CBLB: variants seen among roughly 807,000 people sequenced by gnomAD.
CBLB encodes E3 ubiquitin-protein ligase CBL-B.
Under a neutral mutation model 104.9 loss-of-function variants are expected in CBLB, and 31 were observed. The ratio of observed to expected loss-of-function variants is 0.30; its 90% CI spans 0.22 to 0.40. The LOEUF (loss-of-function observed/expected upper bound fraction) is 0.40, where lower values mean the gene tolerates loss of function less well. Ranked by LOEUF, CBLB falls within the 10% of genes least tolerant of loss-of-function variation. CBLB has a pLI of 1.00. For missense variants in CBLB, 1,062 were observed against 1,214.6 expected, an observed-to-expected ratio of 0.87 and a Z score of 1.87; for synonymous variants, 440 against 422.6, an observed-to-expected ratio of 1.04 and a Z score of -0.51.
intron 3 of CBLB, among the ~76,000 whole-genome samples, chr3:105,798,337 T>A (rs904532054): frequency 1.3e-5 from 2 of 152,156 alleles, no homozygotes; most frequent in Non-Finnish European, 2.9e-5. Context: ...ATATTATCAG[T>A]AGATTAATTA....
At chr3:105,691,205 C>A (rs2067649755) in intron 13 of CBLB, among the ~76,000 whole-genome samples, 1 of 152,206 alleles carries the variant, frequency 6.6e-6, no homozygotes, top group Non-Finnish European at 1.5e-5. Context: ...GGAGAGATAA[C>A]TGTGCCATTA....
chr3:105,865,685 T>C (rs899542093), intron 2 of CBLB, among the ~76,000 whole-genome samples: 2 of 152,224 alleles, frequency 1.3e-5, no homozygotes, highest in African/African-American at 4.8e-5. Context: ...AATGATTTTA[T>C]AGTAACTATA....
chr3:105,754,529 G>GAGAGAGAGAC (rs1560096935), intron 4 of CBLB, among the ~76,000 whole-genome samples: 1,305 of 84,190 alleles, frequency 0.016, 16 homozygotes, highest in Middle Eastern at 0.022. Flanking sequence ...GAGACAGAGA[G>GAGAGAGAGAC]AGAGAGAGAG....
In CBLB at chr3:105,856,365, A is replaced by G. The variant is rs906347137; in HGVS notation, c.169-2701T>C. 1.2e-3 allele frequency among the ~76,000 whole-genome samples: 182 copies of G among 151,520 alleles called. 1 individual carries two copies. The highest frequency in any genetic ancestry group is 4.2e-3 in the African/African-American group (174 of 41,304). Reference sequence around the variant, plus strand: ...CTCCATCTCAAAAAAAAAAAAAAAAAAAAGAAAAGGAAAAAAAAAAGAAAT... The same window carrying G: ...CTCCATCTCAAAAAAAAAAAAAAAAGAAAGAAAAGGAAAAAAAAAAGAAAT... On this transcript the variant is annotated intron_variant, in intron 2 of 18. Coordinates refer to ENST00000394030, the MANE Select transcript of CBLB (RefSeq NM_170662.5).
intron 10 of CBLB, among the ~76,000 whole-genome samples, chr3:105,718,185 G>A (rs1333568315): frequency 6.6e-6 from 1 of 151,534 alleles, no homozygotes; most frequent in Non-Finnish European, 1.5e-5. Flanking sequence ...CCATTTCTTA[G>A]GTCAAAAAAA....
chr3:105,859,219 A>T (rs1025027466), intron 2 of CBLB, among the ~76,000 whole-genome samples: 30 of 152,326 alleles, frequency 2.0e-4, no homozygotes, highest in Admixed American at 2.0e-4. Flanking sequence ...ACCAAATAAA[A>T]TGAAAATTTC....
intron 18 of CBLB, among the ~76,000 whole-genome samples, chr3:105,662,416 A>G (rs2063876223): frequency 6.6e-6 from 1 of 152,210 alleles, no homozygotes; most frequent in Non-Finnish European, 1.5e-5. Context: ...ACCTGAATAT[A>G]CATCATCCTT....
At chr3:105,774,447 A>G (rs1364758952) in intron 4 of CBLB, among the ~76,000 whole-genome samples, 2 of 152,258 alleles carry the variant, frequency 1.3e-5, no homozygotes, top group Non-Finnish European at 2.9e-5. Flanking sequence ...GGTAATGCAT[A>G]TAAGTTCCAA....
intron 3 of CBLB, among the ~76,000 whole-genome samples, chr3:105,841,440 T>C (rs189831109): frequency 1.0e-3 from 154 of 152,084 alleles, no homozygotes; most frequent in Non-Finnish European, 1.7e-3. Context: ...TATATTAAAA[T>C]GGCAGAAACC....
intron 3 of CBLB, among the ~76,000 whole-genome samples, chr3:105,827,072 G>A (rs1355339768): frequency 6.6e-6 from 1 of 152,182 alleles, no homozygotes; most frequent in Non-Finnish European, 1.5e-5. Context: ...AATTGTTCCT[G>A]TAATATAATA....
At chr3:105,831,942 C>A (rs565802515) in intron 3 of CBLB, among the ~76,000 whole-genome samples, 1 of 152,036 alleles carries the variant, frequency 6.6e-6, no homozygotes, top group East Asian at 1.9e-4. Flanking sequence ...TAAAAATACA[C>A]AGAGGGATAC....
intron 6 of CBLB, among the ~76,000 whole-genome samples, chr3:105,745,160 G>C (rs765827661): frequency 6.6e-6 from 1 of 152,112 alleles, no homozygotes; most frequent in Non-Finnish European, 1.5e-5. Flanking sequence ...CCCTACTGCC[G>C]TACTCAGCAT....
chr3:105,711,315 G>A (rs1045711188), intron 10 of CBLB, among the ~76,000 whole-genome samples: 3 of 147,000 alleles, frequency 2.0e-5, no homozygotes, highest in Non-Finnish European at 4.5e-5. Context: ...TTCTATAAAT[G>A]CGTGAAAATT....
At chr3:105,702,071 C>T (rs2152779657) in intron 12 of CBLB, 23 bp downstream of exon 12, 1 of 1,613,350 alleles carries the variant, frequency 6.2e-7, no homozygotes, top group Non-Finnish European at 8.5e-7. Context: ...GATTCTCTAG[C>T]TTCTGCTTTG....
intron 3 of CBLB, among the ~76,000 whole-genome samples, chr3:105,799,087 T>C (rs2082545760): frequency 6.6e-6 from 1 of 151,002 alleles, no homozygotes; most frequent in Non-Finnish European, 1.5e-5. Flanking sequence ...AAATGAAATG[T>C]TTAACAATGA....
chr3:105,825,869 T>A (rs1286623601), intron 3 of CBLB, among the ~76,000 whole-genome samples: 1 of 152,200 alleles, frequency 6.6e-6, no homozygotes, highest in Non-Finnish European at 1.5e-5. Context: ...ATAAACAATG[T>A]ACCAAAGATC....
At chr3:105,868,437 G>T (rs889338204) in intron 1 of CBLB, 7 of 383,600 alleles carry the variant, frequency 1.8e-5, no homozygotes, top group Non-Finnish European at 2.7e-5. Context: ...TGTCCCTCCC[G>T]TGCCCGCAGC....
At chr3:105,719,761 T>C (rs2072489801) in intron 10 of CBLB, among the ~76,000 whole-genome samples, 1 of 152,328 alleles carries the variant, frequency 6.6e-6, no homozygotes, top group Non-Finnish European at 1.5e-5. Context: ...AACCGTAACA[T>C]AGTCTCAGAT....
chr3:105,807,667 A>T (rs1415871905), intron 3 of CBLB, among the ~76,000 whole-genome samples: 1 of 152,160 alleles, frequency 6.6e-6, no homozygotes, highest in African/African-American at 2.4e-5. Context: ...ATTTATTTTT[A>T]AAAGTCCTTA....
Sources: allele counts gnomAD v4.1 joint callset (sites outside exome capture counted in the v4.1 genomes callset), GRCh38; gene constraint gnomAD v4.1.1; transcripts MANE v1.5; gene names NCBI Gene and HGNC (gene_info 2026-07-23, HGNC 2026-07-21).